Variants in PRLR observed in about 807,000 individuals in gnomAD.
PRLR encodes the protein prolactin receptor, also known as hPRL receptor.
A neutral mutation model predicts 40.2 loss-of-function variants in PRLR; 13 were observed. The observed-to-expected ratio is 0.32, with a 90% confidence interval of 0.21 to 0.51. The LOEUF is 0.51. PRLR is among the 20% of genes least tolerant of loss of function. PRLR has a pLI of 0.97. For missense variants in PRLR, 656 were observed against 747.3 expected (o/e 0.88, Z 1.42); for synonymous variants, 269 against 278.7 (o/e 0.97, Z 0.35).
chr5:35,065,825 T>A lies in PRLR; in HGVS notation c.1133A>T (p.Glu378Val), dbSNP rs1162021402. Reference protein sequence around the residue: ...QANPSTFYDPEVIEKPENPET... With the variant: ...QANPSTFYDPVVIEKPENPET... ...AGGATTCTCTGGCTTCTCAATGACC[T>A]CAGGATCATAGAATGTGGAGGGATT... Residue 378 changes from glutamate (E) to valine (V), a missense_variant, in exon 10 of 10, where the codon GAG becomes GTG. Glu to Val is a moderately radical substitution (Grantham distance 121, BLOSUM62 -2). This residue lies in a region of PRLR where 469 missense variants were observed against 491.5 expected (regional missense o/e 0.95). Coordinates refer to ENST00000618457, the MANE Select transcript of PRLR (RefSeq NM_000949.7). 6.2e-7 allele frequency: 1 copy of A among 1,613,984 alleles called. No homozygotes were observed. The highest frequency in any genetic ancestry group is 8.5e-7 in the Non-Finnish European group (1 of 1,180,016).
intron 1 of PRLR, among the ~76,000 whole-genome samples, chr5:35,162,188 T>C (rs1774693683): frequency 6.6e-6 from 1 of 152,210 alleles, no homozygotes; most frequent in Non-Finnish European, 1.5e-5. Context: ...ATGATTATGG[T>C]GAATTAAGTT....
intron 1 of PRLR, among the ~76,000 whole-genome samples, chr5:35,145,707 C>G (rs764983691): frequency 8.5e-5 from 13 of 152,312 alleles, no homozygotes; most frequent in Middle Eastern, 6.8e-3. Context: ...TGCCATGTGC[C>G]TAGCTCATGT....
chr5:35,164,038 AG>A (rs1774750691), intron 1 of PRLR, among the ~76,000 whole-genome samples: 1 of 152,236 alleles, frequency 6.6e-6, no homozygotes, highest in South Asian at 2.1e-4. Flanking sequence ...ATTGAAGCTG[AG>A]GTTTGAGATA....
Position 35,065,088 on chromosome 5 carries a change from A to T in PRLR, c.*1T>A. 1.9e-6 allele frequency: 3 copies of T among 1,605,332 alleles called. No homozygotes were observed. Among genetic ancestry groups the T allele is most frequent in the Non-Finnish European group, 2.6e-6 (3 of 1,174,124 alleles). On this transcript the variant is annotated 3_prime_UTR_variant, in exon 10 of 10. Coordinates refer to ENST00000618457, the MANE Select transcript of PRLR (RefSeq NM_000949.7). ...AACCAATCATTCCATTAGTCAAGCT[A>T]TCAGTGAAAGGAGTGTGTAAAACAT...
chr5:35,108,151 A>T (rs1381610131), intron 2 of PRLR, among the ~76,000 whole-genome samples: 1 of 152,228 alleles, frequency 6.6e-6, no homozygotes, highest in East Asian at 1.9e-4. Context: ...AGATGCAGAA[A>T]AGCCTTCAAC....
In PRLR at chr5:35,063,831, C is replaced by A. The variant is rs1769187306; in HGVS notation, c.*1258G>T. On this transcript the variant is annotated 3_prime_UTR_variant, in exon 10 of 10. Transcript: ENST00000618457. ...TTGATGAACAGGAGTCCCAGAGGAG[C>A]CTGAAACTCAAAGGAGAAATAATTT... 6.6e-6 allele frequency: 1 copy of A among 152,090 alleles called. No individual in the cohort carries two copies. The highest frequency in any genetic ancestry group is 1.5e-5 in the Non-Finnish European group (1 of 68,026). The allele number at this position is 152,090 out of a possible 1,614,324, so 9.4% of individuals were successfully genotyped here.
At chr5:35,100,492 A>G (rs963556991) in intron 2 of PRLR, among the ~76,000 whole-genome samples, 2 of 152,120 alleles carry the variant, frequency 1.3e-5, no homozygotes, top group Non-Finnish European at 1.5e-5. Context: ...TACCTTTCCT[A>G]TGTTTAGATA....
At chr5:35,164,119 T>C (rs889222242) in intron 1 of PRLR, among the ~76,000 whole-genome samples, 1 of 152,252 alleles carries the variant, frequency 6.6e-6, no homozygotes, top group South Asian at 2.1e-4. Context: ...ATTCTTCAGA[T>C]TGGATTAGAT....
chr5:35,075,859 C>G (rs1401943234), intron 5 of PRLR, among the ~76,000 whole-genome samples: 2 of 152,222 alleles, frequency 1.3e-5, no homozygotes, highest in Non-Finnish European at 2.9e-5. Flanking sequence ...AAGGATCAGG[C>G]AGCAACATTT....
chr5:35,067,146 C>A (rs565698917), intron 9 of PRLR, among the ~76,000 whole-genome samples: 2 of 152,290 alleles, frequency 1.3e-5, no homozygotes, highest in East Asian at 1.9e-4. Context: ...TGACTTTGGA[C>A]AAGCTGCTCT....
At chr5:35,204,429 C>T (rs1365256306) in intron 1 of PRLR, among the ~76,000 whole-genome samples, 2 of 151,948 alleles carry the variant, frequency 1.3e-5, no homozygotes, top group Non-Finnish European at 2.9e-5. Context: ...TTTGGGATTT[C>T]TAATAAGCAG....
exon 9 of PRLR, chr5:35,049,374 T>C: frequency 2.8e-6 from 2 of 703,072 alleles, no homozygotes; most frequent in Non-Finnish European, 5.2e-6. Flanking sequence ...ATTTGAGATT[T>C]TTGTAATGAG....
At chr5:35,093,416 A>G (rs996978324) in intron 2 of PRLR, among the ~76,000 whole-genome samples, 1 of 152,178 alleles carries the variant, frequency 6.6e-6, no homozygotes, top group African/African-American at 2.4e-5. Context: ...CAGCAATCTC[A>G]GCCCTACCAT....
At chr5:35,141,053 T>G (rs910196342) in intron 1 of PRLR, among the ~76,000 whole-genome samples, 2 of 152,124 alleles carry the variant, frequency 1.3e-5, no homozygotes, top group African/African-American at 4.8e-5. Context: ...AGCTGGCCCT[T>G]GATTTTGCCT....
In PRLR at chr5:35,065,634, C is replaced by T. The variant is rs373742110; in HGVS notation, c.1324G>A (p.Gly442Ser). 37 of 1,613,724 alleles carry T rather than the reference C, an allele frequency of 2.3e-5. No homozygotes were observed. Among genetic ancestry groups the T allele is most frequent in the Non-Finnish European group, 3.0e-5 (35 of 1,179,918 alleles). The part of the protein sequence containing the change: ...NITDVCELAV[G>S]PAGAPATLLN... ...AGAGTGGCCGGTGCACCTGCAGGGC[C>T]CACAGCCAGCTCACACACATCAGTA... is the stretch of plus-strand genomic sequence containing the variant. Residue 442 changes from glycine (G) to serine (S), a missense_variant, in exon 10 of 10, where the codon GGC (glycine) becomes AGC (serine). Coordinates refer to ENST00000618457, the MANE Select transcript of PRLR (RefSeq NM_000949.7).
chr5:35,200,204 T>C (rs1242171818), intron 1 of PRLR, among the ~76,000 whole-genome samples: 1 of 152,220 alleles, frequency 6.6e-6, no homozygotes, highest in Non-Finnish European at 1.5e-5. Flanking sequence ...AGAAATAATA[T>C]AGTTAACACG....
chr5:35,189,778 C>T (rs1368108581), intron 1 of PRLR, among the ~76,000 whole-genome samples: 6 of 152,074 alleles, frequency 3.9e-5, no homozygotes, highest in Admixed American at 3.3e-4. Flanking sequence ...TCGTTATCTA[C>T]AAAATGGATT....
Position 35,060,410 on chromosome 5 carries a change from A to T in PRLR, c.*4679T>A, listed in dbSNP as rs1768965210. ...GTTTTTCTCTGAAGCGTTGTCACAC[A>T]ATCTCATGTGCTCACTGCTTCAGGC... On this transcript the variant is annotated 3_prime_UTR_variant, in exon 10 of 10. Coordinates refer to ENST00000618457, the MANE Select transcript of PRLR (RefSeq NM_000949.7). The T allele has an allele frequency of 6.6e-6, 1 of 152,188 alleles. No individual in the cohort carries two copies. Among genetic ancestry groups the T allele is most frequent in the African/African-American group, 2.4e-5 (1 of 41,458 alleles). The allele number at this position is 152,188 out of a possible 1,614,324, so 9.4% of individuals were successfully genotyped here. A position where few individuals can be genotyped will look rare whatever the true frequency, so the allele number is the denominator to read the frequency against.
intron 2 of PRLR, among the ~76,000 whole-genome samples, chr5:35,095,669 A>G (rs1026621095): frequency 6.6e-6 from 1 of 152,244 alleles, no homozygotes. Context: ...AAAGTTCACA[A>G]GAGGACACTT....
Sources: allele counts gnomAD v4.1 joint callset (sites outside exome capture counted in the v4.1 genomes callset), GRCh38; gene constraint gnomAD v4.1.1; regional missense constraint gnomAD v4.1.1; transcripts MANE v1.5; gene names NCBI Gene and HGNC (gene_info 2026-07-23, HGNC 2026-07-21).